The following ITGA4 variants were observed in gnomAD, a reference collection of about 807,000 sequenced individuals.
ITGA4 encodes integrin alpha-4.
In ITGA4, 63 loss-of-function variants were observed where a neutral mutation model predicts 133.6. That is an observed-to-expected ratio of 0.47 (90% CI 0.38 to 0.58). The LOEUF (loss-of-function observed/expected upper bound fraction) is 0.58. Ranked by LOEUF, ITGA4 falls within the 20% of genes least tolerant of loss-of-function variation. The probability of loss-of-function intolerance (pLI) is 0.00; values close to 1 mark genes in which losing one functional copy is unlikely to be tolerated. For missense variants in ITGA4, 1,076 were observed against 1,252.7 expected, an observed-to-expected ratio of 0.86 and a Z score of 2.13; for synonymous variants, 483 against 438.0, an observed-to-expected ratio of 1.10 and a Z score of -1.28.
intron 16 of ITGA4, among the ~76,000 whole-genome samples, chr2:181,510,448 C>G (rs561499385): frequency 6.6e-6 from 1 of 152,144 alleles, no homozygotes; most frequent in Non-Finnish European, 1.5e-5. Flanking sequence ...TTGTTCAGAC[C>G]TTTAGTGTCT....
intron 10 of ITGA4, among the ~76,000 whole-genome samples, chr2:181,489,805 C>A (rs982559947): frequency 6.6e-6 from 1 of 152,116 alleles, no homozygotes; most frequent in East Asian, 1.9e-4. Flanking sequence ...CCCCACACAA[C>A]CTCTTTCCCT....
intron 14 of ITGA4, among the ~76,000 whole-genome samples, chr2:181,496,769 G>T (rs531932027): frequency 6.6e-6 from 1 of 152,188 alleles, no homozygotes; most frequent in African/African-American, 2.4e-5. Flanking sequence ...AGCATATCTG[G>T]GCATATCATT....
At chr2:181,479,046 A>C (rs1685744320) in intron 5 of ITGA4, 2 of 331,642 alleles carry the variant, frequency 6.0e-6, no homozygotes, top group Admixed American at 9.6e-5. Context: ...ATGAATGAAA[A>C]TCTATACTAA....
rs1686602982 is a variant in ITGA4, at chr2:181,516,171, T to C, written c.1922+4396T>C. On this transcript the variant is annotated intron_variant, in intron 17 of 27. Transcript: ENST00000397033. This position sits in a 1 kb window ranked among gnomAD's most constrained non-coding sequence, Gnocchi z 4.0. The stretch of plus-strand genomic sequence containing the variant: ...ACATAGGGAGTTTAAAATCAAATCC[T>C]TGAAACTCATGTAAATGATACCGCA... Among the ~76,000 whole-genome samples the C allele has an allele frequency of 6.6e-6, 1 of 152,012 alleles. No individual in the cohort carries two copies. The highest frequency in any genetic ancestry group is 6.6e-5 in the Admixed American group (1 of 15,230).
Position 181,525,251 on chromosome 2 carries a change from G to A in ITGA4, c.2299G>A (p.Ala767Thr). The A allele has an allele frequency of 6.2e-7, 1 of 1,607,664 alleles. No homozygotes were observed. Among genetic ancestry groups the A allele is most frequent in the Non-Finnish European group, 8.5e-7 (1 of 1,174,608 alleles). The change falls in exon 21 of 28, where the codon GCA (alanine) becomes ACA (threonine). Residue 767 changes from alanine (A) to threonine (T), a missense_variant. This residue lies in a region of ITGA4 where 365 missense variants were observed against 421.4 expected (regional missense o/e 0.87). Transcript: ENST00000397033. ...TCTAAAGCACAGCAGAGTGACTGTA[G>A]CAATACCTTTAAAATATGAGGTTAA... is the stretch of plus-strand genomic sequence containing the variant. ...DNLKHSRVTV[A>T]IPLKYEVKLT...
intron 20 of ITGA4, among the ~76,000 whole-genome samples, chr2:181,524,997 AATG>A (rs1686804157): frequency 6.6e-6 from 1 of 152,104 alleles, no homozygotes; most frequent in African/African-American, 2.4e-5. Flanking sequence ...ATTAGAAGCA[AATG>A]ATAACAGTTT....
At chr2:181,475,317 T>C in intron 4 of ITGA4, 29 bp downstream of exon 4, 1 of 1,557,928 alleles carries the variant, frequency 6.4e-7, no homozygotes, top group Non-Finnish European at 8.8e-7. Flanking sequence ...ACGAATTAGA[T>C]AAAGATAAGT....
At chr2:181,527,128 T>A (rs1686850085) in intron 21 of ITGA4, among the ~76,000 whole-genome samples, 169 bp from the exon 22 acceptor site, 1 of 151,966 alleles carries the variant, frequency 6.6e-6, no homozygotes. Flanking sequence ...GAGCCACTGC[T>A]CCCGGCCCTA....
chr2:181,518,776 T>C (rs1317238527), intron 17 of ITGA4, among the ~76,000 whole-genome samples: 1 of 152,070 alleles, frequency 6.6e-6, no homozygotes, highest in East Asian at 1.9e-4. Context: ...CTCTATGATA[T>C]GCTTGCTTTT....
At position 181,537,990 on chromosome 2, in the gene ITGA4, T is replaced by G. The variant is rs754710919; in HGVS notation, c.*2463T>G. ...GGTATGTGAGGGATCTAGAGTGCCA[T>G]GTTCCTCAAGAGAATCTAATGCCTG... On this transcript the variant is annotated 3_prime_UTR_variant, in exon 28 of 28. Transcript: ENST00000397033. The G allele has an allele frequency of 1.3e-5, 9 of 674,888 alleles. No individual in the cohort carries two copies. Among genetic ancestry groups the G allele is most frequent in the Non-Finnish European group, 2.8e-6 (1 of 360,252 alleles). The allele number at this position is 674,888 out of a possible 1,614,324, so 41.8% of individuals were successfully genotyped here.
At chr2:181,481,043 T>C (rs1685790261) in intron 6 of ITGA4, among the ~76,000 whole-genome samples, 1 of 152,166 alleles carries the variant, frequency 6.6e-6, no homozygotes, top group Non-Finnish European at 1.5e-5. Context: ...ACTCTTTCTT[T>C]CTATTCAAAC....
chr2:181,484,455 T>C (rs1264029940), intron 9 of ITGA4, among the ~76,000 whole-genome samples: 2 of 152,162 alleles, frequency 1.3e-5, no homozygotes, highest in East Asian at 1.9e-4. Flanking sequence ...ACCTTGTCTG[T>C]TCTCCCTGGA....
intron 22 of ITGA4, among the ~76,000 whole-genome samples, chr2:181,527,783 CAAAGT>C (rs1221131616): frequency 6.6e-6 from 1 of 152,184 alleles, no homozygotes; most frequent in Non-Finnish European, 1.5e-5. Context: ...CTCAGCACTA[CAAAGT>C]AAAGGAGGCT....
In ITGA4 at chr2:181,502,270, G is replaced by T. The variant is rs983788486; in HGVS notation, c.1695+3493G>T. On this transcript the variant is annotated intron_variant, in intron 15 of 27. Coordinates refer to ENST00000397033, the MANE Select transcript of ITGA4 (RefSeq NM_000885.6). ...AGGAAAGGAATTGGAAGCGTCATAG[G>T]TTATTCTTTCAAAAAGTTTTGCCAC... 2.6e-5 allele frequency among the ~76,000 whole-genome samples: 4 copies of T among 152,096 alleles called. 1 individual carries two copies. The highest frequency in any genetic ancestry group is 9.7e-5 in the African/African-American group (4 of 41,422).
chr2:181,498,542 A>G, intron 14 of ITGA4, 81 bp from the exon 15 acceptor site: 1 of 819,450 alleles, frequency 1.2e-6, no homozygotes, highest in Non-Finnish European at 1.9e-6. Flanking sequence ...AGTCCATATA[A>G]CTTTAACTAT....
chr2:181,521,377 T>C (rs1391730424), intron 17 of ITGA4, among the ~76,000 whole-genome samples: 1 of 152,208 alleles, frequency 6.6e-6, no homozygotes, highest in Non-Finnish European at 1.5e-5. Context: ...ATGTCTCAAA[T>C]ACTTCATATT....
chr2:181,474,506 A>C (rs1685629814), intron 2 of ITGA4, among the ~76,000 whole-genome samples: 1 of 152,220 alleles, frequency 6.6e-6, no homozygotes, highest in Admixed American at 6.5e-5. Context: ...GCTCCAATAA[A>C]TTGTACCTTA....
chr2:181,487,375 C>G (rs973502343), intron 10 of ITGA4, among the ~76,000 whole-genome samples: 8 of 152,046 alleles, frequency 5.3e-5, no homozygotes, highest in African/African-American at 1.9e-4. Flanking sequence ...TTATGCCCTT[C>G]CTAGAAAGGG....
In ITGA4 at chr2:181,495,180, G is replaced by A. The variant is rs1686132793; in HGVS notation, c.1340-191G>A. Among the ~76,000 whole-genome samples, 1 of 152,164 alleles carries A rather than the reference G, an allele frequency of 6.6e-6. No individual in the cohort carries two copies. ...TAAAGTTTATGATATATCATAATGG[G>A]ATGAATGTTGTACATGAATAGATTC... On this transcript the variant is annotated intron_variant, in intron 12 of 27. Coordinates refer to ENST00000397033, the MANE Select transcript of ITGA4 (RefSeq NM_000885.6). The surrounding 1 kb of genome is among the most constrained non-coding windows in gnomAD (Gnocchi z 4.3).
Sources: gnomAD v4.1 joint callset for allele counts (sites outside exome capture counted in the v4.1 genomes callset) on GRCh38, gnomAD v4.1.1 for gene constraint, gnomAD v4.1.1 regional missense constraint, Gnocchi (gnomAD v3.1) non-coding constraint, MANE v1.5 for transcripts, NCBI Gene and HGNC (gene_info 2026-07-23, HGNC 2026-07-21) for gene names.